Variants in ASAP1 observed in about 807,000 individuals in gnomAD.
The protein encoded by ASAP1 is arf-GAP with SH3 domain, ANK repeat and PH domain-containing protein 1.
A neutral mutation model predicts 145.2 loss-of-function variants in ASAP1; 43 were observed. That is an observed-to-expected ratio of 0.30 (90% CI 0.23 to 0.38). The LOEUF is 0.38. Ranked by LOEUF, ASAP1 falls within the 10% of genes least tolerant of loss-of-function variation. ASAP1 has a pLI of 1.00. For synonymous variants in ASAP1, 546 were observed against 515.5 expected, an observed-to-expected ratio of 1.06 and a Z score of -0.80; for missense variants, 1,018 against 1,355.3, an observed-to-expected ratio of 0.75 and a Z score of 3.91.
intron 3 of ASAP1, among the ~76,000 whole-genome samples, chr8:130,242,581 A>G (rs1172400176): frequency 6.6e-6 from 1 of 152,104 alleles, no homozygotes; most frequent in African/African-American, 2.4e-5. Context: ...GGGATGCCTA[A>G]TTAACACTTG....
chr8:130,373,861 A>AG (rs1213570781), intron 2 of ASAP1, among the ~76,000 whole-genome samples: 2 of 151,170 alleles, frequency 1.3e-5, no homozygotes, highest in African/African-American at 4.8e-5. Context: ...AAAAAAAAAA[A>AG]AAAAAAAAAA....
chr8:130,311,895 A>C (rs966926196), intron 3 of ASAP1, among the ~76,000 whole-genome samples: 1 of 135,284 alleles, frequency 7.4e-6, no homozygotes. Context: ...AAAACAACTC[A>C]AAAAAAAATA....
intron 24 of ASAP1, among the ~76,000 whole-genome samples, chr8:130,106,027 C>G (rs1370419313): frequency 6.6e-6 from 1 of 152,184 alleles, no homozygotes; most frequent in Admixed American, 6.5e-5. Context: ...TTTCCACACC[C>G]TGGCAGTCAG....
At chr8:130,152,679 C>T in intron 13 of ASAP1, 57 bp downstream of exon 13, 1 of 1,322,472 alleles carries the variant, frequency 7.6e-7, no homozygotes, top group Non-Finnish European at 1.1e-6. Context: ...CTGCTGAGTA[C>T]ATAATCGTGT....
chr8:130,380,417 A>G (rs1166933083), intron 2 of ASAP1, among the ~76,000 whole-genome samples: 2 of 152,160 alleles, frequency 1.3e-5, no homozygotes, highest in Admixed American at 6.5e-5. Context: ...TGAGCATGCC[A>G]AAGAAACCCT....
chr8:130,091,973 C>T lies in ASAP1; in HGVS notation c.2572G>A (p.Gly858Ser). The T allele has an allele frequency of 6.5e-7, 1 of 1,546,264 alleles. No individual in the cohort carries two copies. The highest frequency in any genetic ancestry group is 8.7e-7 in the Non-Finnish European group (1 of 1,153,130). Residue 858 changes from glycine (G) to serine (S), a missense_variant and splice_region_variant, in exon 25 of 30, where the codon GGT becomes AGT. Transcript: ENST00000518721. ...TGGCCCTGACTTTAGGATAACTTAC[C>T]CCAAGGAACTGCGCCTTTGTTTGGG... ...GPPNKGAVPW[G>S]NDGGPSSSSK...
chr8:130,109,004 A>G (rs1370120237), intron 24 of ASAP1, among the ~76,000 whole-genome samples: 1 of 151,624 alleles, frequency 6.6e-6, no homozygotes, highest in African/African-American at 2.4e-5. Flanking sequence ...CGAACTCCCG[A>G]CGTCAGGTGA....
chr8:130,102,625 A>G (rs2097530638), intron 24 of ASAP1, among the ~76,000 whole-genome samples: 1 of 152,174 alleles, frequency 6.6e-6, no homozygotes, highest in Non-Finnish European at 1.5e-5. Context: ...AGAGTTAGGA[A>G]AAATTCCTTT....
intron 2 of ASAP1, among the ~76,000 whole-genome samples, chr8:130,371,196 C>T (rs1167449980): frequency 6.6e-6 from 1 of 152,150 alleles, no homozygotes; most frequent in Non-Finnish European, 1.5e-5. Context: ...TGCAACCCTA[C>T]AAAGTAGCTA....
intron 3 of ASAP1, among the ~76,000 whole-genome samples, chr8:130,340,358 C>T (rs1825298416): frequency 6.6e-6 from 1 of 152,156 alleles, no homozygotes; most frequent in Admixed American, 6.5e-5. Flanking sequence ...CAAGGTTAGA[C>T]CCTCAGGAAG....
intron 27 of ASAP1, among the ~76,000 whole-genome samples, chr8:130,070,846 AG>A (rs1239217500): frequency 3.3e-4 from 2 of 6,020 alleles, no homozygotes; most frequent in South Asian, 0.016. Flanking sequence ...AGAGGGAGAG[AG>A]GGAGAGAGAG....
rs761787390 is a variant in ASAP1, at chr8:130,136,937, GAA to G, written c.1168+12_1168+13del. 3 of 1,611,448 alleles carry G rather than the reference GAA, an allele frequency of 1.9e-6. No homozygotes were observed. In the East Asian group the frequency reaches 6.7e-5, roughly 36 times the overall value. On this transcript the variant is annotated intron_variant, in intron 14 of 29. Transcript: ENST00000518721. ...AGCCACAATAACCAACTCAGAGAGA[GAA>G]AAAGGACTCACGTGATATCAGGTCA...
At chr8:130,123,613 C>G (rs1309481067) in intron 18 of ASAP1, among the ~76,000 whole-genome samples, 1 of 146,798 alleles carries the variant, frequency 6.8e-6, no homozygotes, top group Non-Finnish European at 1.5e-5. Context: ...CAAACAAACA[C>G]TGTAAAAAAC....
intron 2 of ASAP1, among the ~76,000 whole-genome samples, chr8:130,386,394 C>T (rs1396771557): frequency 6.6e-6 from 1 of 152,196 alleles, no homozygotes; most frequent in Middle Eastern, 3.2e-3. Flanking sequence ...GTTCCATTGC[C>T]GAGTCCATAG....
intron 2 of ASAP1, among the ~76,000 whole-genome samples, chr8:130,379,870 C>G (rs1827685104): frequency 6.6e-6 from 1 of 152,136 alleles, no homozygotes; most frequent in Non-Finnish European, 1.5e-5. Flanking sequence ...CAGCTAGAGG[C>G]ACTAGGGACC....
chr8:130,197,259 T>C (rs1309294075), intron 5 of ASAP1, among the ~76,000 whole-genome samples: 1 of 152,170 alleles, frequency 6.6e-6, no homozygotes, highest in African/African-American at 2.4e-5. Flanking sequence ...GAAACCCTCA[T>C]CTCTACAAAA....
chr8:130,153,886 A>G lies in ASAP1; in HGVS notation c.1011-1081T>C, dbSNP rs116409777. Among the ~76,000 whole-genome samples the G allele has an allele frequency of 5.6e-3, 851 of 152,248 alleles. 8 individuals carry two copies. The highest frequency in any genetic ancestry group is 0.02 in the African/African-American group (824 of 41,538). On this transcript the variant is annotated intron_variant, in intron 12 of 29. Transcript: ENST00000518721. ...TCAATTGATTACTTTTGTTATTAAT[A>G]ATTGATTTTTAAAAATTAAGAAAGT...
At chr8:130,308,461 ATGT>A (rs1408851655) in intron 3 of ASAP1, among the ~76,000 whole-genome samples, 6 of 152,220 alleles carry the variant, frequency 3.9e-5, no homozygotes, top group Admixed American at 3.3e-4. Context: ...TAAGATACGG[ATGT>A]TCTTTTTAAA....
At chr8:130,367,095 C>A (rs1002177173) in intron 2 of ASAP1, among the ~76,000 whole-genome samples, 23 of 151,588 alleles carry the variant, frequency 1.5e-4, no homozygotes, top group African/African-American at 5.3e-4. Context: ...TTTCACCATG[C>A]TGGCCAGGAT....
Sources: gnomAD v4.1 joint callset for allele counts (sites outside exome capture counted in the v4.1 genomes callset) on GRCh38, gnomAD v4.1.1 for gene constraint, MANE v1.5 for transcripts, NCBI Gene and HGNC (gene_info 2026-07-23, HGNC 2026-07-21) for gene names.